WWOX: variants seen among roughly 807,000 people sequenced by gnomAD.
WWOX encodes the protein WW domain-containing oxidoreductase.
A neutral mutation model predicts 46.2 loss-of-function variants in WWOX; 69 were observed. The ratio of observed to expected loss-of-function variants is 1.49; its 90% CI spans 1.23 to 1.82. The LOEUF (loss-of-function observed/expected upper bound fraction) is 1.82, where lower values mean the gene tolerates loss of function less well. WWOX is among the 40% of genes most tolerant of loss of function. WWOX has a pLI of 0.00. For synonymous variants in WWOX, 359 were observed against 202.6 expected (o/e 1.77, Z -6.56); for missense variants, 919 against 542.6 (o/e 1.69, Z -6.89).
intron 8 of WWOX, among the ~76,000 whole-genome samples, chr16:78,487,636 A>T (rs2151456883): frequency 6.6e-6 from 1 of 152,172 alleles, no homozygotes; most frequent in East Asian, 1.9e-4. Flanking sequence ...TATCTTGGAG[A>T]TGTTTAGTAA....
intron 8 of WWOX, among the ~76,000 whole-genome samples, chr16:78,856,020 A>G (rs1467900915): frequency 2.0e-5 from 3 of 152,214 alleles, no homozygotes; most frequent in Non-Finnish European, 4.4e-5. Context: ...ATCTAACTTT[A>G]CTTGCAGGGC....
chr16:78,243,818 A>T lies in WWOX; in HGVS notation c.516+79529A>T, dbSNP rs143401424. Among the ~76,000 whole-genome samples the T allele has an allele frequency of 3.2e-3, 491 of 152,324 alleles. 12 individuals carry two copies. In the East Asian group the frequency reaches 0.05, roughly 15 times the overall value. On this transcript the variant is annotated intron_variant, in intron 5 of 8. Transcript: ENST00000566780. ...TGCCTCGGCCTCCCAAGGTGCTGAG[A>T]TCACAGGCGTGAGCCACCGCACCTG...
At chr16:78,277,161 T>A (rs1313164826) in intron 5 of WWOX, among the ~76,000 whole-genome samples, 3 of 152,172 alleles carry the variant, frequency 2.0e-5, no homozygotes, top group Non-Finnish European at 4.4e-5. Context: ...GTTTAAATCT[T>A]ATTTAAATCG....
chr16:78,345,393 G>A lies in WWOX; in HGVS notation c.517-41467G>A, dbSNP rs1285040209. ...CCCAGCACTTTGCGAGGCCAAGGTGGGCAGATTACTTGAGCCCAGGTGTTG... is the reference window on the plus strand; with the variant it reads ...CCCAGCACTTTGCGAGGCCAAGGTGAGCAGATTACTTGAGCCCAGGTGTTG... On this transcript the variant is annotated intron_variant, in intron 5 of 8. Coordinates refer to ENST00000566780, the MANE Select transcript of WWOX (RefSeq NM_016373.4). 2.1e-5 allele frequency among the ~76,000 whole-genome samples: 2 copies of A among 95,770 alleles called. 1 individual carries two copies. The highest frequency in any genetic ancestry group is 4.7e-5 in the Non-Finnish European group (2 of 42,908). The allele number at this position is 95,770 out of a possible 152,430, so 62.8% of individuals were successfully genotyped here.
At chr16:78,820,956 C>T (rs1253437804) in intron 8 of WWOX, among the ~76,000 whole-genome samples, 1 of 152,164 alleles carries the variant, frequency 6.6e-6, no homozygotes, top group African/African-American at 2.4e-5. Flanking sequence ...CTTTCTGTCT[C>T]TTACAAGGAC....
intron 8 of WWOX, among the ~76,000 whole-genome samples, chr16:78,583,101 A>G (rs1478324171): frequency 1.3e-5 from 2 of 152,228 alleles, no homozygotes; most frequent in Non-Finnish European, 2.9e-5. Flanking sequence ...GGGAGTTAGG[A>G]GAAGTGAATC....
intron 8 of WWOX, among the ~76,000 whole-genome samples, chr16:78,936,577 C>G (rs1033390657): frequency 1.3e-5 from 2 of 152,140 alleles, no homozygotes; most frequent in Admixed American, 1.3e-4. Context: ...TCCAGGACGT[C>G]TCAAATTTCT....
At chr16:78,667,971 C>G (rs2047372014) in intron 8 of WWOX, among the ~76,000 whole-genome samples, 2 of 152,122 alleles carry the variant, frequency 1.3e-5, no homozygotes, top group Non-Finnish European at 2.9e-5. Context: ...TTCTTAAATA[C>G]ACTAGCCATC....
chr16:78,224,780 C>T (rs1027846360), intron 5 of WWOX, among the ~76,000 whole-genome samples: 5 of 152,146 alleles, frequency 3.3e-5, no homozygotes, highest in Non-Finnish European at 5.9e-5. Flanking sequence ...GAATAAGTAA[C>T]GTTTTTCTAA....
At chr16:78,800,478 T>C (rs2050857851) in intron 8 of WWOX, among the ~76,000 whole-genome samples, 1 of 152,196 alleles carries the variant, frequency 6.6e-6, no homozygotes. Context: ...GTATCCACAC[T>C]TCTTCTTTCT....
intron 8 of WWOX, among the ~76,000 whole-genome samples, chr16:78,522,946 C>A (rs934136696): frequency 1.3e-5 from 2 of 152,274 alleles, no homozygotes; most frequent in Middle Eastern, 3.4e-3. Flanking sequence ...GTGGCATGTG[C>A]CTGTAATCCC....
intron 4 of WWOX, among the ~76,000 whole-genome samples, chr16:78,160,520 G>C (rs1238172702): frequency 1.3e-5 from 2 of 152,098 alleles, no homozygotes; most frequent in Admixed American, 1.3e-4. Flanking sequence ...TAATTACCGA[G>C]TTTAAAATAT....
chr16:79,053,409 C>G (rs2048206414), intron 8 of WWOX, among the ~76,000 whole-genome samples: 1 of 152,124 alleles, frequency 6.6e-6, no homozygotes, highest in African/African-American at 2.4e-5. Context: ...TTTTAAGTAC[C>G]TAAAGTTGTG....
Position 79,212,280 on chromosome 16 carries a change from A to T in WWOX, c.*484A>T. ...AATTGTTTCATTCATCCTGACCAAG[A>T]CTGAGCCAGCTTAGCAACTGCTGGG... On this transcript the variant is annotated 3_prime_UTR_variant, in exon 9 of 9. Coordinates refer to ENST00000566780, the MANE Select transcript of WWOX (RefSeq NM_016373.4). 1 of 1,188,146 alleles carries T rather than the reference A, an allele frequency of 8.4e-7. No individual in the cohort carries two copies. The highest frequency in any genetic ancestry group is 1.1e-6 in the Non-Finnish European group (1 of 877,624). The allele number at this position is 1,188,146 out of a possible 1,614,324, so 73.6% of individuals were successfully genotyped here.
intron 8 of WWOX, among the ~76,000 whole-genome samples, chr16:78,743,700 T>C (rs553366346): frequency 4.5e-4 from 69 of 152,146 alleles, no homozygotes; most frequent in Non-Finnish European, 7.8e-4. Context: ...GCCGTTTGCA[T>C]AGGAGCTGTA....
chr16:78,645,804 G>A (rs992737114), intron 8 of WWOX, among the ~76,000 whole-genome samples: 3 of 152,092 alleles, frequency 2.0e-5, no homozygotes, highest in Admixed American at 6.5e-5. Flanking sequence ...CTATAGCAGG[G>A]TCTCCTTGGG....
At chr16:78,738,932 G>A (rs1415374589) in intron 8 of WWOX, among the ~76,000 whole-genome samples, 3 of 152,106 alleles carry the variant, frequency 2.0e-5, no homozygotes. Context: ...CATTGCTGGG[G>A]TCCCCTAAAT....
chr16:79,084,361 A>C (rs1325216878), intron 8 of WWOX, among the ~76,000 whole-genome samples: 1 of 152,196 alleles, frequency 6.6e-6, no homozygotes, highest in Non-Finnish European at 1.5e-5. Flanking sequence ...AACAAATAAT[A>C]CCAGGAATAA....
chr16:79,045,863 A>T (rs2656608), intron 8 of WWOX, among the ~76,000 whole-genome samples: 1 of 138,164 alleles, frequency 7.2e-6, no homozygotes, highest in Non-Finnish European at 1.5e-5. Flanking sequence ...GTGCAGTGGC[A>T]CAATCTCAGC....
Sources: gnomAD v4.1 joint callset for allele counts (sites outside exome capture counted in the v4.1 genomes callset) on GRCh38, gnomAD v4.1.1 for gene constraint, MANE v1.5 for transcripts, NCBI Gene and HGNC (gene_info 2026-07-23, HGNC 2026-07-21) for gene names.